Variants in GRID1 observed in about 807,000 individuals in gnomAD.
The protein encoded by GRID1 is glutamate receptor ionotropic, delta-1.
Under a neutral mutation model 98.0 loss-of-function variants are expected in GRID1, and 28 were observed. That is an observed-to-expected ratio of 0.29 (90% confidence interval 0.21 to 0.39). The LOEUF is 0.39. Ranked by LOEUF, GRID1 falls within the 10% of genes least tolerant of loss-of-function variation. GRID1 has a pLI of 1.00. For missense variants in GRID1, 1,111 were observed against 1,340.5 expected, an observed-to-expected ratio of 0.83 and a Z score of 2.67; for synonymous variants, 553 against 538.5, an observed-to-expected ratio of 1.03 and a Z score of -0.37.
At chr10:86,227,644 ACGTC>A (rs149924564) in intron 2 of GRID1, among the ~76,000 whole-genome samples, 2,096 of 151,700 alleles carry the variant, frequency 0.014, 57 homozygotes, top group African/African-American at 0.048. Flanking sequence ...CCTTCCTCAC[ACGTC>A]TGAGCCCCAG....
intron 6 of GRID1, among the ~76,000 whole-genome samples, chr10:85,859,148 A>C (rs991073900): frequency 6.6e-6 from 1 of 152,230 alleles, no homozygotes; most frequent in Non-Finnish European, 1.5e-5. Context: ...TTGCCAGCTC[A>C]TGAATGTGTT....
chr10:86,311,200 A>G (rs1847827291), intron 2 of GRID1, among the ~76,000 whole-genome samples: 1 of 152,152 alleles, frequency 6.6e-6, no homozygotes, highest in East Asian at 1.9e-4. Context: ...ACCATTGACA[A>G]AAGGAGGGCT....
chr10:86,134,650 C>G (rs1017340503), intron 4 of GRID1, among the ~76,000 whole-genome samples: 2 of 152,174 alleles, frequency 1.3e-5, no homozygotes, highest in Admixed American at 6.5e-5. Flanking sequence ...CCCCTGCACA[C>G]CCATGACTGC....
intron 4 of GRID1, among the ~76,000 whole-genome samples, chr10:86,118,502 A>T (rs989247888): frequency 3.3e-5 from 5 of 152,342 alleles, no homozygotes; most frequent in East Asian, 1.9e-4. Flanking sequence ...AAAAAATTTT[A>T]AAAATTAAAA....
rs146080747 is a variant in GRID1 at position 85,990,108 on chromosome 10, T to C, written c.727-73869A>G. Among the ~76,000 whole-genome samples, 420 of 152,312 alleles carry C rather than the reference T, an allele frequency of 2.8e-3. 2 individuals carry two copies. Among genetic ancestry groups the C allele is most frequent in the Middle Eastern group, 0.014 (4 of 294 alleles). Reference sequence around the variant, plus strand: ...TGTAGTATATGAGCCACCAAGTCTATGGTATTTTTGTTATAACAGTTCGAA... The same window carrying C: ...TGTAGTATATGAGCCACCAAGTCTACGGTATTTTTGTTATAACAGTTCGAA... On this transcript the variant is annotated intron_variant, in intron 4 of 15. Transcript: ENST00000327946.
intron 8 of GRID1, among the ~76,000 whole-genome samples, chr10:85,847,150 G>A (rs17105903): frequency 0.031 from 4,794 of 152,276 alleles, 230 homozygotes; most frequent in East Asian, 0.21. Flanking sequence ...CCAATTTCTA[G>A]GAAAGGGCTC....
At chr10:85,631,850 C>T (rs1051712137) in intron 13 of GRID1, among the ~76,000 whole-genome samples, 2 of 152,084 alleles carry the variant, frequency 1.3e-5, no homozygotes, top group African/African-American at 4.8e-5. Context: ...AGAATGCCAT[C>T]CCAGGAAATT....
chr10:86,320,486 G>A (rs1325198136), intron 2 of GRID1, among the ~76,000 whole-genome samples: 1 of 152,174 alleles, frequency 6.6e-6, no homozygotes, highest in African/African-American at 2.4e-5. Flanking sequence ...AGTAGTCAAA[G>A]TCAGAAGGAG....
rs188471307 is a variant in GRID1, at chr10:86,297,056, T to C, written c.235+66885A>G. Among the ~76,000 whole-genome samples, 110 of 152,342 alleles carry C rather than the reference T, an allele frequency of 7.2e-4. 1 individual carries two copies. Among genetic ancestry groups the C allele is most frequent in the Admixed American group, 4.8e-3 (73 of 15,302 alleles). ...TGTTCCCAGATGGGACTTTATGTTA[T>C]AAAGATGTTACTTTCCCAAAAGTTA... On this transcript the variant is annotated intron_variant, in intron 2 of 15. Coordinates refer to ENST00000327946, the MANE Select transcript of GRID1 (RefSeq NM_017551.3).
At chr10:85,719,085 C>T (rs1841671770) in intron 12 of GRID1, among the ~76,000 whole-genome samples, 3 of 152,174 alleles carry the variant, frequency 2.0e-5, no homozygotes, top group South Asian at 2.1e-4. Context: ...GGCGAAATGC[C>T]GCTAGTCTCT....
intron 4 of GRID1, among the ~76,000 whole-genome samples, chr10:86,116,111 G>A (rs771925437): frequency 4.6e-5 from 7 of 152,098 alleles, no homozygotes; most frequent in Non-Finnish European, 8.8e-5. Flanking sequence ...TGATGACATC[G>A]CCTAACAATG....
At chr10:85,963,723 A>T (rs1842301607) in intron 4 of GRID1, among the ~76,000 whole-genome samples, 1 of 152,132 alleles carries the variant, frequency 6.6e-6, no homozygotes, top group African/African-American at 2.4e-5. Context: ...TTGAGCCATT[A>T]CTTCACCCTG....
chr10:86,130,746 A>G (rs892201123), intron 4 of GRID1, among the ~76,000 whole-genome samples: 1 of 152,342 alleles, frequency 6.6e-6, no homozygotes, highest in African/African-American at 2.4e-5. Flanking sequence ...CCTGGTTGCC[A>G]GACAAGGATC....
At chr10:86,027,997 C>T (rs1227853761) in intron 4 of GRID1, among the ~76,000 whole-genome samples, 4 of 152,198 alleles carry the variant, frequency 2.6e-5, no homozygotes, top group Non-Finnish European at 5.9e-5. Context: ...CTTCTAACCA[C>T]TCCTGGAGGT....
intron 4 of GRID1, among the ~76,000 whole-genome samples, chr10:86,134,400 G>T (rs145216028): frequency 3.6e-4 from 55 of 152,316 alleles, no homozygotes; most frequent in African/African-American, 1.1e-3. Flanking sequence ...ATGAATAGAT[G>T]AACAGAATCC....
chr10:85,714,808 T>C (rs1399905885), intron 12 of GRID1, among the ~76,000 whole-genome samples: 1 of 152,032 alleles, frequency 6.6e-6, no homozygotes, highest in African/African-American at 2.4e-5. Context: ...TATTAATATG[T>C]TAATACCACC....
At chr10:85,685,550 G>A (rs1256344403) in intron 12 of GRID1, among the ~76,000 whole-genome samples, 1 of 152,140 alleles carries the variant, frequency 6.6e-6, no homozygotes, top group African/African-American at 2.4e-5. Flanking sequence ...TTAAAACACT[G>A]ATCCAAAAAC....
At chr10:86,129,932 G>A (rs943447028) in intron 4 of GRID1, among the ~76,000 whole-genome samples, 4 of 152,206 alleles carry the variant, frequency 2.6e-5, no homozygotes, top group African/African-American at 9.6e-5. Context: ...AATGCACCAG[G>A]TCTGAGCTCA....
At chr10:85,619,220 G>GC (rs1457132251) in intron 14 of GRID1, among the ~76,000 whole-genome samples, 1 of 152,160 alleles carries the variant, frequency 6.6e-6, no homozygotes, top group African/African-American at 2.4e-5. Flanking sequence ...AACTACCCAT[G>GC]CCCCACTTCC....
Sources: allele counts gnomAD v4.1 joint callset (sites outside exome capture counted in the v4.1 genomes callset), GRCh38; gene constraint gnomAD v4.1.1; transcripts MANE v1.5; gene names NCBI Gene and HGNC (gene_info 2026-07-23, HGNC 2026-07-21).